MAPK10: variants seen among roughly 807,000 people sequenced by gnomAD.
MAPK10 encodes mitogen-activated protein kinase 10, also known as JNK3 alpha protein kinase.
Under a neutral mutation model 59.3 loss-of-function variants are expected in MAPK10, and 25 were observed. That is an observed-to-expected ratio of 0.42 (90% CI 0.31 to 0.59). MAPK10 has a LOEUF of 0.59. Among genes scored for constraint, MAPK10 ranks in the 20% least tolerant of loss-of-function variants. The pLI is 0.15. For missense variants in MAPK10, 351 were observed against 568.9 expected (o/e 0.62, Z 3.90); for synonymous variants, 190 against 200.5 (o/e 0.95, Z 0.44).
intron 2 of MAPK10, among the ~76,000 whole-genome samples, chr4:86,280,169 G>A (rs1583981394): frequency 6.6e-6 from 1 of 152,166 alleles, no homozygotes; most frequent in African/African-American, 2.4e-5. Context: ...AGAGTAAACA[G>A]ACAACTTACA....
chr4:86,118,484 A>G (rs1182294138), intron 4 of MAPK10, among the ~76,000 whole-genome samples: 2 of 152,104 alleles, frequency 1.3e-5, no homozygotes, highest in East Asian at 3.9e-4. Context: ...AAAGAGTGAT[A>G]GAGCTTTCTG....
intron 11 of MAPK10, among the ~76,000 whole-genome samples, chr4:86,037,325 C>A (rs999687471): frequency 5.9e-5 from 9 of 152,084 alleles, no homozygotes; most frequent in African/African-American, 1.9e-4. Context: ...TCGAGACCAT[C>A]CTGGCTAACA....
intron 1 of MAPK10, among the ~76,000 whole-genome samples, chr4:86,567,109 A>G (rs181661439): frequency 6.6e-6 from 1 of 152,312 alleles, no homozygotes; most frequent in East Asian, 1.9e-4. Flanking sequence ...AGTTTGGTGT[A>G]CATCTTTCAA....
chr4:86,531,313 A>G (rs1757836240), intron 1 of MAPK10, among the ~76,000 whole-genome samples: 1 of 152,232 alleles, frequency 6.6e-6, no homozygotes, highest in African/African-American at 2.4e-5. Flanking sequence ...CGCTGAGGAT[A>G]CATTCACATC....
At chr4:86,246,384 T>C (rs193236876) in intron 2 of MAPK10, among the ~76,000 whole-genome samples, 6 of 152,140 alleles carry the variant, frequency 3.9e-5, no homozygotes, top group African/African-American at 9.7e-5. Flanking sequence ...TGAGCCAAGA[T>C]TGCGCCACTG....
chr4:86,385,031 T>C lies in MAPK10; in HGVS notation c.-121-30387A>G, dbSNP rs1051382827. Among the ~76,000 whole-genome samples, 4 of 152,274 alleles carry C rather than the reference T, an allele frequency of 2.6e-5. No individual in the cohort carries two copies. The East Asian group carries it at 5.8e-4, about 22-fold the overall frequency. ...CTAAATTGTTTTCTTATATATATAA[T>C]GCTCTTGGGCATAGCATTAGCATAG... On this transcript the variant is annotated intron_variant, in intron 1 of 13. Transcript: ENST00000361569.
At chr4:86,146,195 A>T (rs1379841786) in intron 4 of MAPK10, among the ~76,000 whole-genome samples, 3 of 152,100 alleles carry the variant, frequency 2.0e-5, no homozygotes, top group African/African-American at 7.2e-5. Context: ...CAGAACTTTA[A>T]CTCCAATATT....
chr4:86,233,976 C>T (rs1228864636), intron 2 of MAPK10, among the ~76,000 whole-genome samples: 1 of 152,070 alleles, frequency 6.6e-6, no homozygotes, highest in Non-Finnish European at 1.5e-5. Flanking sequence ...GGATTATTGC[C>T]AAAGGCCTTT....
intron 1 of MAPK10, among the ~76,000 whole-genome samples, chr4:86,374,140 A>G (rs2148995685): frequency 6.6e-6 from 1 of 152,318 alleles, no homozygotes; most frequent in African/African-American, 2.4e-5. Flanking sequence ...CATCATTCTC[A>G]GCAAACTAAC....
chr4:86,488,735 G>A (rs1013345398), intron 1 of MAPK10, among the ~76,000 whole-genome samples: 1 of 152,054 alleles, frequency 6.6e-6, no homozygotes, highest in Non-Finnish European at 1.5e-5. Context: ...AAAGATGATC[G>A]GTACTGCCCA....
chr4:86,071,695 T>C (rs1410742775), intron 9 of MAPK10, among the ~76,000 whole-genome samples: 1 of 151,484 alleles, frequency 6.6e-6, no homozygotes, highest in African/African-American at 2.4e-5. Flanking sequence ...AAAGATCAGA[T>C]AGTTGTAGGT....
At position 86,459,146 on chromosome 4, in the gene MAPK10, C is replaced by T. The variant is rs192323850; in HGVS notation, c.-262-104502G>A. Reference sequence around the variant, plus strand: ...CAAAAGAGGATATACAAATGGACAACAAACATATGAAAAAATGCTCAACAT... The same window carrying T: ...CAAAAGAGGATATACAAATGGACAATAAACATATGAAAAAATGCTCAACAT... On this transcript the variant is annotated intron_variant, in intron 1 of 4. Coordinates refer to the MAPK10 transcript ENST00000502302. Among the ~76,000 whole-genome samples the T allele has an allele frequency of 2.8e-3, 433 of 152,262 alleles. 4 individuals carry two copies. The highest frequency in any genetic ancestry group is 1.0e-2 in the African/African-American group (414 of 41,554).
chr4:86,508,214 G>A (rs1755951598), intron 1 of MAPK10, among the ~76,000 whole-genome samples: 1 of 152,120 alleles, frequency 6.6e-6, no homozygotes, highest in Admixed American at 6.5e-5. Flanking sequence ...TCAGCAGTGA[G>A]GCCAAAGTTA....
At chr4:86,342,773 T>C (rs1159141613) in intron 2 of MAPK10, among the ~76,000 whole-genome samples, 1 of 152,174 alleles carries the variant, frequency 6.6e-6, no homozygotes, top group Non-Finnish European at 1.5e-5. Flanking sequence ...GGGCCTTCTT[T>C]AACAATGAGA....
intron 1 of MAPK10, among the ~76,000 whole-genome samples, chr4:86,552,392 G>T (rs1202731768): frequency 6.7e-6 from 1 of 149,162 alleles, no homozygotes; most frequent in African/African-American, 2.5e-5. Context: ...CTGTAGTCCA[G>T]CCCAGGCAAC....
chr4:86,469,445 G>A lies in MAPK10; in HGVS notation c.-262-114801C>T, dbSNP rs114790665. Among the ~76,000 whole-genome samples, 361 of 152,292 alleles carry A rather than the reference G, an allele frequency of 2.4e-3. 3 individuals are homozygous for A. Among genetic ancestry groups the A allele is most frequent in the African/African-American group, 8.4e-3 (348 of 41,578 alleles). On this transcript the variant is annotated intron_variant, in intron 1 of 4. Transcript: ENST00000502302. ...CACTAAGAACAAGAGTATTGGGCAG[G>A]TTGTTGGACCAGGAAACCAGACAGC...
intron 3 of MAPK10, among the ~76,000 whole-genome samples, chr4:86,162,455 G>C (rs2070096647): frequency 6.6e-6 from 1 of 152,014 alleles, no homozygotes; most frequent in Admixed American, 6.6e-5. Flanking sequence ...AAGTGGGACA[G>C]GAAATTGCTG....
rs559198013 is a variant in MAPK10 at position 86,132,004 on chromosome 4, A to G, written c.237-24652T>C. ...CATCTCCTTTCTGCTTCTAGTCAGT[A>G]GACGATACACTGCTGGTCCTAGTCC... On this transcript the variant is annotated intron_variant, in intron 4 of 13. Coordinates refer to ENST00000641462, the MANE Select transcript of MAPK10 (RefSeq NM_138982.4). Among the ~76,000 whole-genome samples, 110 of 152,342 alleles carry G rather than the reference A, an allele frequency of 7.2e-4. 3 individuals are homozygous for G. In the South Asian group the frequency reaches 0.022, roughly 30 times the overall value.
chr4:86,576,541 G>A (rs906521746), intron 1 of MAPK10, among the ~76,000 whole-genome samples: 2 of 150,798 alleles, frequency 1.3e-5, no homozygotes, highest in Non-Finnish European at 3.0e-5. Context: ...TTGGGAGGCC[G>A]AGACGGGTGG....
Sources: gnomAD v4.1 joint callset for allele counts (sites outside exome capture counted in the v4.1 genomes callset) on GRCh38, gnomAD v4.1.1 for gene constraint, MANE v1.5 for transcripts, NCBI Gene and HGNC (gene_info 2026-07-23, HGNC 2026-07-21) for gene names.